The following ATP13A1 variants were observed in gnomAD, a reference collection of about 807,000 sequenced individuals.
ATP13A1 encodes endoplasmic reticulum transmembrane helix translocase.
In ATP13A1, 55 loss-of-function variants were observed where a neutral mutation model predicts 134.8. The observed-to-expected ratio is 0.41, with a 90% CI of 0.33 to 0.51. The LOEUF is 0.51. ATP13A1 is among the 20% of genes least tolerant of loss of function. The pLI is 0.29. For synonymous variants in ATP13A1, 775 were observed against 725.1 expected (o/e 1.07, Z -1.10); for missense variants, 1,389 against 1,652.8 (o/e 0.84, Z 2.77).
rs570616185 is a variant in ATP13A1 at position 19,661,956 on chromosome 19, G to A, written c.396+1315C>T. On this transcript the variant is annotated intron_variant, in intron 1 of 25. Transcript: ENST00000357324. ...CGGGCACTCTGCAGATATCATCTCC[G>A]CTTCTCAAGATGGCACCCAGTAGTT... 1.1e-5 allele frequency: 15 copies of A among 1,387,746 alleles called. No homozygotes were observed. In the Admixed American group the frequency reaches 1.9e-4, roughly 17 times the overall value. The allele number at this position is 1,387,746 out of a possible 1,614,324, so 86.0% of individuals were successfully genotyped here. A position where few individuals can be genotyped will look rare whatever the true frequency, so the allele number is the denominator to read the frequency against.
rs1287651044 is a variant in ATP13A1 at position 19,661,314 on chromosome 19, G to A, written c.397-1327C>T. On this transcript the variant is annotated intron_variant, in intron 1 of 25. Coordinates refer to ENST00000357324, the MANE Select transcript of ATP13A1 (RefSeq NM_020410.3). ...TCACAGGCCCCCGGCCTCCTGCTCA[G>A]CTCTGCCTCTTCCACCAACCCTGCT... Among the ~76,000 whole-genome samples, 3 of 152,092 alleles carry A rather than the reference G, an allele frequency of 2.0e-5. No individual in the cohort carries two copies. In the South Asian group the frequency reaches 6.2e-4, roughly 32 times the overall value.
chr19:19,649,265 C>G (rs1469008855), intron 19 of ATP13A1, among the ~76,000 whole-genome samples: 4 of 152,218 alleles, frequency 2.6e-5, no homozygotes, highest in Non-Finnish European at 4.4e-5. Flanking sequence ...GCTCAGCCAT[C>G]TGTGTGCTTT....
At position 19,657,150 on chromosome 19, in the gene ATP13A1, C is replaced by G; in HGVS notation, c.751-1G>C. 6.6e-7 allele frequency: 1 copy of G among 1,504,008 alleles called. No individual in the cohort carries two copies. 93.2% of individuals were successfully genotyped at this position (1,504,008 alleles called of 1,614,324 possible). ...GGCACCAGAGCCCCACACAGAACAC[C>G]TGTGGGATACCAGCCTGTCTGTCCT... On this transcript the variant is annotated splice_acceptor_variant, in intron 4 of 25. Coordinates refer to ENST00000357324, the MANE Select transcript of ATP13A1 (RefSeq NM_020410.3). LOFTEE classifies it high-confidence loss of function.
chr19:19,663,055 C>T, intron 1 of ATP13A1: 1 of 756,404 alleles, frequency 1.3e-6, no homozygotes, highest in South Asian at 1.5e-5. Context: ...ACAGGGAGGA[C>T]TTCAGAAAAA....
chr19:19,645,336 T>G lies in ATP13A1; in HGVS notation c.*86A>C. 4 of 1,393,510 alleles carry G rather than the reference T, an allele frequency of 2.9e-6. No individual in the cohort carries two copies. The highest frequency in any genetic ancestry group is 4.0e-6 in the Non-Finnish European group (4 of 1,012,416). The allele number at this position is 1,393,510 out of a possible 1,614,324, so 86.3% of individuals were successfully genotyped here. A position where few individuals can be genotyped will look rare whatever the true frequency, so the allele number is the denominator to read the frequency against. On this transcript the variant is annotated 3_prime_UTR_variant, in exon 26 of 26. Transcript: ENST00000357324. This position sits in a 1 kb window ranked among gnomAD's most constrained non-coding sequence, Gnocchi z 4.1. Reference sequence around the variant, plus strand: ...GACTGTACAGCCTTGCTGTGGGGGGTTGGGGGCAGGGTTCCCTCCCGGGGC... The same window carrying G: ...GACTGTACAGCCTTGCTGTGGGGGGGTGGGGGCAGGGTTCCCTCCCGGGGC...
intron 23 of ATP13A1, 27 bp downstream of exon 23, chr19:19,646,178 C>T: frequency 6.2e-7 from 1 of 1,612,914 alleles, no homozygotes; most frequent in Non-Finnish European, 8.5e-7. Flanking sequence ...GCTGCAGGGA[C>T]ATCACCTCCT....
rs779283865 is a variant in ATP13A1 at position 19,656,807 on chromosome 19, G to T, written c.976+40C>A. On this transcript the variant is annotated intron_variant, in intron 6 of 25. Transcript: ENST00000357324. The surrounding 1 kb of genome is among the most constrained non-coding windows in gnomAD (Gnocchi z 4.6). The stretch of plus-strand genomic sequence containing the variant: ...AGGAGGGTTGGCCAGAGGCCCTGAG[G>T]CTGGGGCTCCCACTGGGACTGAGCG... The T allele has an allele frequency of 1.9e-6, 3 of 1,612,398 alleles. No homozygotes were observed. The Admixed American group carries it at 5.0e-5, about 27-fold the overall frequency.
chr19:19,654,137 T>G lies in ATP13A1; in HGVS notation c.1821A>C (p.Lys607Asn). 6.3e-7 allele frequency: 1 copy of G among 1,585,176 alleles called. No individual in the cohort carries two copies. The highest frequency in any genetic ancestry group is 8.6e-7 in the Non-Finnish European group (1 of 1,165,812). Residue 607 changes from lysine to asparagine, a missense_variant, in exon 14 of 26, where the codon AAA (lysine) becomes AAC (asparagine). By Grantham distance (94) the Lys-to-Asn change is moderately conservative (BLOSUM62 0). This residue lies in a region of ATP13A1 where 747 missense variants were observed against 956.1 expected (regional missense o/e 0.78). Transcript: ENST00000357324. ...GAGTTTTAATACTTCGGGGGAATAC[T>G]TTCTCATCTGGAAACAAATAAGTAC... ...AVDWTLTKDEKVFPRSIKTQG... is the reference protein window; with the variant it reads ...AVDWTLTKDENVFPRSIKTQG...
intron 3 of ATP13A1, among the ~76,000 whole-genome samples, chr19:19,658,301 C>T (rs547583362): frequency 9.2e-5 from 14 of 152,090 alleles, no homozygotes; most frequent in African/African-American, 3.4e-4. Flanking sequence ...ACTGCATGGA[C>T]GTCTTATGTA....
In ATP13A1 at chr19:19,647,734, A is replaced by G. The variant is rs756293765; in HGVS notation, c.2658T>C (p.Pro886=). 13 of 1,604,652 alleles carry G rather than the reference A, an allele frequency of 8.1e-6. No homozygotes were observed. The highest frequency in any genetic ancestry group is 7.6e-6 in the Non-Finnish European group (9 of 1,178,352). Residue 886 remains proline, a synonymous_variant, in exon 20 of 26, where the codon CCT becomes CCC. Transcript: ENST00000357324. This position sits in a 1 kb window ranked among gnomAD's most constrained non-coding sequence, Gnocchi z 4.8. ...GCCGTCGCCGCTCGACAACCCGCTC[A>G]GGGGCATTGGCCAAGAGCGCCACAC... ...DVGVALLANA[P]ERVVERRRRP... is the part of the protein sequence containing the mutation.
In ATP13A1 at chr19:19,653,231, G is replaced by T. The variant is rs1319020617; in HGVS notation, c.2101-511C>A. 1 of 183,112 alleles carries T rather than the reference G, an allele frequency of 5.5e-6. No individual in the cohort carries two copies. Among genetic ancestry groups the T allele is most frequent in the Non-Finnish European group, 1.2e-5 (1 of 86,076 alleles). The allele number at this position is 183,112 out of a possible 1,614,324, so 11.3% of individuals were successfully genotyped here. Reference sequence around the variant, plus strand: ...CAGAGAGGGTGGAAAGGCCTCAGAAGTGGCCACTATGAAGGCGATGAGGAC... The same window carrying T: ...CAGAGAGGGTGGAAAGGCCTCAGAATTGGCCACTATGAAGGCGATGAGGAC... On this transcript the variant is annotated intron_variant, in intron 15 of 25. Coordinates refer to ENST00000357324, the MANE Select transcript of ATP13A1 (RefSeq NM_020410.3). The surrounding 1 kb of genome is among the most constrained non-coding windows in gnomAD (Gnocchi z 4.2).
chr19:19,658,258 T>C (rs922982090), intron 3 of ATP13A1, among the ~76,000 whole-genome samples: 3 of 151,652 alleles, frequency 2.0e-5, no homozygotes, highest in Non-Finnish European at 2.9e-5. Context: ...GCACCAGTCA[T>C]GTCAACGAGG....
chr19:19,658,816 G>A (rs909929723), intron 3 of ATP13A1, among the ~76,000 whole-genome samples: 1 of 152,214 alleles, frequency 6.6e-6, no homozygotes, highest in Admixed American at 6.5e-5. Flanking sequence ...GGACTGAAAT[G>A]TTTAGGTTGG....
intron 12 of ATP13A1, among the ~76,000 whole-genome samples, 187 bp from the exon 13 acceptor site, chr19:19,654,887 T>G (rs1434314155): frequency 6.6e-6 from 1 of 152,222 alleles, no homozygotes; most frequent in Non-Finnish European, 1.5e-5. Context: ...GCATTGTGCC[T>G]GGGGGTCATG....
chr19:19,659,660 G>C lies in ATP13A1; in HGVS notation c.618C>G (p.Asn206Lys). Residue 206 changes from asparagine to lysine, a missense_variant, in exon 3 of 26, where the codon AAC (asparagine) becomes AAG (lysine). By Grantham distance (94) the Asn-to-Lys change is moderately conservative. This residue lies in a region of ATP13A1 where 747 missense variants were observed against 956.1 expected (regional missense o/e 0.78). Transcript: ENST00000357324. ...VGNAFSYYQSNRGFQEDSEIR... is the reference protein window; with the variant it reads ...VGNAFSYYQSKRGFQEDSEIR... ...TCTCTGAGTCTTCCTGGAAGCCTCT[G>C]TTGCTCTGATAGTATGAGAAGGCGT... 1 of 1,613,914 alleles carries C rather than the reference G, an allele frequency of 6.2e-7. No individual in the cohort carries two copies. Among genetic ancestry groups the C allele is most frequent in the Non-Finnish European group, 8.5e-7 (1 of 1,179,874 alleles).
intron 16 of ATP13A1, 91 bp from the exon 17 acceptor site, chr19:19,651,888 G>T: frequency 1.0e-6 from 1 of 1,002,786 alleles, no homozygotes; most frequent in Non-Finnish European, 1.5e-6. Context: ...TCTAAGGTAG[G>T]CCACAGTGGG....
intron 1 of ATP13A1, chr19:19,661,999 G>C (rs2062097859): frequency 1.3e-6 from 2 of 1,543,654 alleles, no homozygotes. Context: ...ACGGTTCTCA[G>C]TTTACAGAAG....
chr19:19,656,180 GCTC>G lies in ATP13A1; in HGVS notation c.1084_1086del (p.Glu362del). 1 of 1,601,368 alleles carries G rather than the reference GCTC, an allele frequency of 6.2e-7. No individual in the cohort carries two copies. The highest frequency in any genetic ancestry group is 2.2e-5 in the East Asian group (1 of 44,672). On this transcript the variant is annotated inframe_deletion and splice_region_variant, in exon 8 of 26. Transcript: ENST00000357324. The surrounding 1 kb of genome is among the most constrained non-coding windows in gnomAD (Gnocchi z 4.6). ...CGGTCTGGGCTGAGGTCTTCGATGG[GCTC>G]CTGGGGAGGAAGATCGTGAATCTGG...
chr19:19,656,257 T>C lies in ATP13A1; in HGVS notation c.1084-74A>G. On this transcript the variant is annotated intron_variant, in intron 7 of 25. Coordinates refer to ENST00000357324, the MANE Select transcript of ATP13A1 (RefSeq NM_020410.3). The surrounding 1 kb of genome is among the most constrained non-coding windows in gnomAD (Gnocchi z 4.6). ...TTCTCCATCTGAGTTCCTGGACAGC[T>C]GGACCTTGAGGCTGGAATGAGCCAG... 1.3e-6 allele frequency: 2 copies of C among 1,533,840 alleles called. No homozygotes were observed. The highest frequency in any genetic ancestry group is 1.8e-6 in the Non-Finnish European group (2 of 1,141,568).
Sources: allele counts gnomAD v4.1 joint callset (sites outside exome capture counted in the v4.1 genomes callset), GRCh38; gene constraint gnomAD v4.1.1; regional missense constraint gnomAD v4.1.1; non-coding constraint Gnocchi (gnomAD v3.1); transcripts MANE v1.5; gene names NCBI Gene and HGNC (gene_info 2026-07-23, HGNC 2026-07-21).